FAM227B: variants seen among roughly 807,000 people sequenced by gnomAD.
FAM227B encodes family with sequence similarity 227 member B.
A neutral mutation model predicts 73.8 loss-of-function variants in FAM227B; 88 were observed. That is an observed-to-expected ratio of 1.19 (90% CI 1.00 to 1.42). FAM227B has a LOEUF of 1.42. Ranked by LOEUF, FAM227B falls within the 40% of genes most tolerant of loss-of-function variation. FAM227B has a pLI of 0.00. For synonymous variants in FAM227B, 210 were observed against 190.5 expected (o/e 1.10, Z -0.84); for missense variants, 632 against 590.9 (o/e 1.07, Z -0.72).
At chr15:49,520,827 C>T (rs1023996181) in intron 10 of FAM227B, among the ~76,000 whole-genome samples, 1 of 151,844 alleles carries the variant, frequency 6.6e-6, no homozygotes, top group African/African-American at 2.4e-5. Context: ...CCATATCAAA[C>T]CCCCAGGAAG....
chr15:49,403,136 A>T (rs186479000), intron 11 of FAM227B, among the ~76,000 whole-genome samples: 226 of 152,234 alleles, frequency 1.5e-3, no homozygotes, highest in Middle Eastern at 6.8e-3. Flanking sequence ...AACCAACTTG[A>T]TCATGGTGGA....
intron 11 of FAM227B, among the ~76,000 whole-genome samples, chr15:49,386,650 C>G (rs972462484): frequency 9.2e-5 from 14 of 151,660 alleles, no homozygotes; most frequent in Non-Finnish European, 1.6e-4. Context: ...TAACACAGAT[C>G]AGAGCAGAAC....
chr15:49,403,797 CT>C (rs2048336369), intron 11 of FAM227B, among the ~76,000 whole-genome samples: 1 of 151,700 alleles, frequency 6.6e-6, no homozygotes, highest in South Asian at 2.1e-4. Flanking sequence ...TTGTTTTCTG[CT>C]AGCTTTGGGG....
At chr15:49,511,918 T>C (rs1597752917) in intron 10 of FAM227B, among the ~76,000 whole-genome samples, 1 of 152,178 alleles carries the variant, frequency 6.6e-6, no homozygotes, top group Non-Finnish European at 1.5e-5. Context: ...TGAACACACA[T>C]GTACATGTCT....
At chr15:49,366,378 T>A in intron 13 of FAM227B, 1 of 791,316 alleles carries the variant, frequency 1.3e-6, no homozygotes, top group Non-Finnish European at 2.3e-6. Context: ...TTCTGTGCAT[T>A]TCTGGTGTTT....
At chr15:49,553,466 C>A (rs1222993059) in intron 9 of FAM227B, among the ~76,000 whole-genome samples, 3 of 152,218 alleles carry the variant, frequency 2.0e-5, no homozygotes, top group Non-Finnish European at 4.4e-5. Flanking sequence ...TGGGGCTCTA[C>A]AATCAGCAAG....
At chr15:49,557,238 T>C (rs2073799578) in intron 9 of FAM227B, among the ~76,000 whole-genome samples, 1 of 152,098 alleles carries the variant, frequency 6.6e-6, no homozygotes, top group Non-Finnish European at 1.5e-5. Context: ...TTATGAAATA[T>C]ATATGTCTTT....
At position 49,366,426 on chromosome 15, in the gene FAM227B, C is replaced by G. The variant is rs529975532; in HGVS notation, c.1271+1022G>C. 7.9e-6 allele frequency: 7 copies of G among 885,174 alleles called. 1 individual carries two copies. In the South Asian group the frequency reaches 9.3e-5, roughly 12 times the overall value. The allele number at this position is 885,174 out of a possible 1,614,324, so 54.8% of individuals were successfully genotyped here. A position where few individuals can be genotyped will look rare whatever the true frequency, so the allele number is the denominator to read the frequency against. On this transcript the variant is annotated intron_variant, in intron 13 of 15. Transcript: ENST00000299338. ...CAGCTGCCCCATTGCACCACAACTG[C>G]TTTGTTCTTTATGTCAACAGGAGGA...
intron 10 of FAM227B, among the ~76,000 whole-genome samples, chr15:49,527,585 G>C (rs2060298296): frequency 6.6e-6 from 1 of 151,858 alleles, no homozygotes; most frequent in Non-Finnish European, 1.5e-5. Context: ...GCTATGACAT[G>C]ATCTTTTACC....
intron 13 of FAM227B, among the ~76,000 whole-genome samples, chr15:49,350,032 C>T (rs2042028142): frequency 6.6e-6 from 1 of 152,116 alleles, no homozygotes; most frequent in South Asian, 2.1e-4. Context: ...CCCTAAACTT[C>T]TAAAATTAGA....
intron 11 of FAM227B, among the ~76,000 whole-genome samples, chr15:49,491,689 T>C (rs976189908): frequency 2.7e-5 from 4 of 150,766 alleles, no homozygotes; most frequent in African/African-American, 9.8e-5. Flanking sequence ...CACTCTAATA[T>C]AGTAATTGAT....
intron 10 of FAM227B, among the ~76,000 whole-genome samples, chr15:49,536,000 A>G (rs140857938): frequency 6.6e-6 from 1 of 150,998 alleles, no homozygotes; most frequent in East Asian, 1.9e-4. Flanking sequence ...AAGATCCAGT[A>G]CAAGACAAGG....
rs140641318 is a variant in FAM227B, at chr15:49,515,766, T to C, written c.875-7418A>G. On this transcript the variant is annotated intron_variant, in intron 10 of 15. Coordinates refer to ENST00000299338, the MANE Select transcript of FAM227B (RefSeq NM_152647.3). ...GAAGTGTTTTGTTGTGTTTGTCTGT[T>C]TGTCTATCAACTTTAGATCTTCTCT... Among the ~76,000 whole-genome samples, 675 of 152,302 alleles carry C rather than the reference T, an allele frequency of 4.4e-3. 13 individuals are homozygous for C. Among genetic ancestry groups the C allele is most frequent in the East Asian group, 0.044 (226 of 5,186 alleles).
At chr15:49,516,156 T>A (rs945085967) in intron 10 of FAM227B, among the ~76,000 whole-genome samples, 2 of 152,160 alleles carry the variant, frequency 1.3e-5, no homozygotes, top group African/African-American at 4.8e-5. Context: ...TTTTTATTGT[T>A]ATTTTTTACA....
intron 13 of FAM227B, among the ~76,000 whole-genome samples, chr15:49,354,536 G>C (rs182934345): frequency 6.6e-6 from 1 of 152,186 alleles, no homozygotes; most frequent in Non-Finnish European, 1.5e-5. Context: ...GCACTTTTCC[G>C]ACCGGCTTAA....
intron 15 of FAM227B, chr15:49,329,643 A>C: frequency 1.0e-6 from 1 of 984,606 alleles, no homozygotes; most frequent in Non-Finnish European, 1.2e-6. Context: ...ATGCTTGAGA[A>C]AGCTTGAGTC....
intron 11 of FAM227B, among the ~76,000 whole-genome samples, chr15:49,381,347 T>C (rs565680064): frequency 6.6e-6 from 1 of 152,316 alleles, no homozygotes; most frequent in Non-Finnish European, 1.5e-5. Context: ...AGGCTTACTA[T>C]ATGCCTGGTG....
chr15:49,453,818 A>G (rs1196536226), intron 11 of FAM227B, among the ~76,000 whole-genome samples: 1 of 152,088 alleles, frequency 6.6e-6, no homozygotes, highest in Non-Finnish European at 1.5e-5. Flanking sequence ...TCCCAATTGA[A>G]TTCAGGATCT....
At chr15:49,469,398 T>A (rs2054542052) in intron 11 of FAM227B, among the ~76,000 whole-genome samples, 1 of 152,164 alleles carries the variant, frequency 6.6e-6, no homozygotes, top group Admixed American at 6.5e-5. Context: ...TACAATTATA[T>A]TTAATTTTAA....
Sources: allele counts gnomAD v4.1 joint callset (sites outside exome capture counted in the v4.1 genomes callset), GRCh38; gene constraint gnomAD v4.1.1; transcripts MANE v1.5; gene names NCBI Gene and HGNC (gene_info 2026-07-23, HGNC 2026-07-21).